The following IRAK1BP1 variants were observed in gnomAD, a reference collection of about 807,000 sequenced individuals.
The protein encoded by IRAK1BP1 is interleukin 1 receptor associated kinase 1 binding protein 1.
In IRAK1BP1, 24 loss-of-function variants were observed where a neutral mutation model predicts 28.0. The observed-to-expected ratio is 0.86, with a 90% confidence interval of 0.62 to 1.20. The LOEUF is 1.20. Among genes scored for constraint, IRAK1BP1 ranks in the 50% most tolerant of loss-of-function variants. IRAK1BP1 has a pLI of 0.00. For synonymous variants in IRAK1BP1, 131 were observed against 116.3 expected (o/e 1.13, Z -0.81); for missense variants, 336 against 316.7 (o/e 1.06, Z -0.46).
At chr6:78,954,585 G>T in the IRAK1BP1 span, among the ~76,000 whole-genome samples, 1 of 152,054 alleles carries the variant, frequency 6.6e-6, no homozygotes, top group African/African-American at 2.4e-5. Flanking sequence ...TGCACAACTA[G>T]TAGGAACAGA....
chr6:78,946,473 GC>G, downstream of IRAK1BP1: 1 of 1,398,118 alleles, frequency 7.2e-7, no homozygotes, highest in Admixed American at 3.3e-5. Flanking sequence ...AAAGCATGAT[GC>G]CATCACTATC....
chr6:78,971,101 T>C, the IRAK1BP1 span, among the ~76,000 whole-genome samples: 2 of 152,262 alleles, frequency 1.3e-5, no homozygotes, highest in African/African-American at 4.8e-5. Context: ...TACACACTTA[T>C]AAGTTAAGAT....
In IRAK1BP1 at chr6:78,900,903, C is replaced by T. The variant is rs1220419643; in HGVS notation, c.*2569C>T. On this transcript the variant is annotated 3_prime_UTR_variant, in exon 4 of 4. Transcript: ENST00000369940. ...TGGCTCAATTAAAAGTTGGCTTTTC[C>T]AAATCCTCCATTAGGAAGAATTTTT... The T allele has an allele frequency of 6.6e-6, 1 of 152,072 alleles. No individual in the cohort carries two copies. The highest frequency in any genetic ancestry group is 1.5e-5 in the Non-Finnish European group (1 of 67,992). 9.4% of individuals were successfully genotyped at this position (152,072 alleles called of 1,614,324 possible).
intron 4 of IRAK1BP1, among the ~76,000 whole-genome samples, chr6:78,918,232 G>A (rs1772613215): frequency 1.3e-5 from 2 of 152,100 alleles, no homozygotes; most frequent in Admixed American, 1.3e-4. Context: ...AGAAGTTTGA[G>A]GCTGCAGTGA....
intron 4 of IRAK1BP1, among the ~76,000 whole-genome samples, chr6:78,909,916 T>G (rs1470777964): frequency 6.6e-6 from 1 of 152,216 alleles, no homozygotes; most frequent in Non-Finnish European, 1.5e-5. Context: ...TCATAATTTT[T>G]TAATGGCATC....
chr6:78,893,308 GTGTGTGTATATA>G (rs1562085754), intron 2 of IRAK1BP1, among the ~76,000 whole-genome samples: 11 of 87,788 alleles, frequency 1.3e-4, no homozygotes, highest in African/African-American at 4.2e-4. Flanking sequence ...GTGTGTGTGT[GTGTGTGTATATA>G]TATATATATA....
At chr6:78,947,967 G>A (rs1773920880), downstream of IRAK1BP1, among the ~76,000 whole-genome samples, 1 of 150,498 alleles carries the variant, frequency 6.6e-6, no homozygotes. Flanking sequence ...CCCTTATACT[G>A]CAATCAACAA....
intron 1 of IRAK1BP1, chr6:78,871,387 G>C (rs1412089383): frequency 1.0e-6 from 1 of 985,270 alleles, no homozygotes. Flanking sequence ...CAAGACTACT[G>C]TAAGATTCCT....
At chr6:78,918,218 G>C (rs1214530976) in intron 4 of IRAK1BP1, among the ~76,000 whole-genome samples, 1 of 152,022 alleles carries the variant, frequency 6.6e-6, no homozygotes, top group African/African-American at 2.4e-5. Flanking sequence ...GATTGCATGA[G>C]CCTAGAAGTT....
At chr6:78,969,549 ATTG>A in the IRAK1BP1 span, among the ~76,000 whole-genome samples, 1 of 152,184 alleles carries the variant, frequency 6.6e-6, no homozygotes, top group Non-Finnish European at 1.5e-5. Flanking sequence ...TCAAATTTAA[ATTG>A]TTATTAATAT....
chr6:78,911,131 C>T (rs1038419258), intron 4 of IRAK1BP1, among the ~76,000 whole-genome samples: 51 of 152,130 alleles, frequency 3.4e-4, no homozygotes, highest in African/African-American at 1.1e-3. Context: ...TTTCCCCTAA[C>T]TTCCTCTCAG....
chr6:78,954,268 A>ATTT, the IRAK1BP1 span, among the ~76,000 whole-genome samples: 3,109 of 147,098 alleles, frequency 0.021, 115 homozygotes, highest in African/African-American at 0.073. Context: ...CGCCTGGCTA[A>ATTT]TTTTTTTTTT....
At chr6:78,941,021 C>T (rs1381371430) in intron 4 of IRAK1BP1, 3 of 1,613,836 alleles carry the variant, frequency 1.9e-6, no homozygotes, top group Non-Finnish European at 2.5e-6. Flanking sequence ...GGGCTTCCTA[C>T]CTCCACGATT....
At chr6:78,965,982 C>G in the IRAK1BP1 span, 1 of 1,612,848 alleles carries the variant, frequency 6.2e-7, no homozygotes, top group Non-Finnish European at 8.5e-7. Context: ...TCAGGGTACT[C>G]AAGTTGAAGA....
At chr6:78,938,905 A>G (rs904591544) in intron 4 of IRAK1BP1, 2 of 151,688 alleles carry the variant, frequency 1.3e-5, no homozygotes, top group Admixed American at 6.6e-5. Flanking sequence ...TATCCTTATC[A>G]GAAATAATTA....
rs763824050 is a variant in IRAK1BP1, at chr6:78,898,074, T to C, written c.523T>C (p.Cys175Arg). 6.2e-7 allele frequency: 1 copy of C among 1,609,720 alleles called. No homozygotes were observed. The highest frequency in any genetic ancestry group is 2.2e-5 in the East Asian group (1 of 44,808). Residue 175 changes from cysteine to arginine, a missense_variant, in exon 4 of 4, where the codon TGT becomes CGT. Cys to Arg is a radical substitution (Grantham distance 180). Transcript: ENST00000369940. ...GSVENLRRQACLVAVENAWRK... is the reference protein window; with the variant it reads ...GSVENLRRQARLVAVENAWRK... ...CATTTAATTCCTAAGACGGCAAGCC[T>C]GTCTTGTTGCTGTTGAGAATGCGTG...
intron 4 of IRAK1BP1, among the ~76,000 whole-genome samples, chr6:78,927,594 A>C (rs900261767): frequency 1.3e-5 from 2 of 152,082 alleles, no homozygotes; most frequent in Non-Finnish European, 2.9e-5. Flanking sequence ...TGTGTTACTC[A>C]AGAAATTTTT....
At chr6:78,958,278 C>T in the IRAK1BP1 span, 25 of 412,588 alleles carry the variant, frequency 6.1e-5, 1 homozygote, top group East Asian at 8.5e-4. Context: ...TTATTATTAG[C>T]CAATGAACTG....
chr6:78,893,817 C>T (rs560326057), intron 2 of IRAK1BP1, among the ~76,000 whole-genome samples: 32 of 152,092 alleles, frequency 2.1e-4, no homozygotes, highest in African/African-American at 6.5e-4. Flanking sequence ...GCAGGAGAAT[C>T]GCTTGAACTC....
Sources: allele counts gnomAD v4.1 joint callset (sites outside exome capture counted in the v4.1 genomes callset), GRCh38; gene constraint gnomAD v4.1.1; transcripts MANE v1.5; gene names NCBI Gene and HGNC (gene_info 2026-07-23, HGNC 2026-07-21).